The following EPHA5 variants were observed in gnomAD, a reference collection of about 807,000 sequenced individuals.
EPHA5 encodes the protein EPH receptor A5.
EPHA5 carries 60 observed loss-of-function variants against 105.0 expected under a neutral mutation model. The observed-to-expected ratio is 0.57, with a 90% confidence interval of 0.46 to 0.71. The LOEUF is 0.71. Ranked by LOEUF, EPHA5 falls within the 30% of genes least tolerant of loss-of-function variation. The pLI, the probability that EPHA5 is intolerant of heterozygous loss-of-function variation, is 0.00. For missense variants in EPHA5, 1,218 were observed against 1,274.7 expected (o/e 0.96, Z 0.68); for synonymous variants, 513 against 449.1 (o/e 1.14, Z -1.80).
intron 1 of EPHA5, among the ~76,000 whole-genome samples, chr4:65,668,936 C>G (rs931609348): frequency 6.6e-6 from 1 of 151,944 alleles, no homozygotes; most frequent in African/African-American, 2.4e-5. Context: ...AAGAAGGGCA[C>G]CCAACTGTGT....
intron 3 of EPHA5, among the ~76,000 whole-genome samples, chr4:65,569,665 A>G (rs1197878138): frequency 6.6e-6 from 1 of 151,764 alleles, no homozygotes; most frequent in East Asian, 1.9e-4. Flanking sequence ...ACATGAAAGC[A>G]AAAACAAAAT....
chr4:65,560,226 T>A (rs66875662), intron 3 of EPHA5, among the ~76,000 whole-genome samples: 1 of 152,050 alleles, frequency 6.6e-6, no homozygotes, highest in Non-Finnish European at 1.5e-5. Context: ...TATATTCACA[T>A]AAGATTTTTC....
intron 16 of EPHA5, among the ~76,000 whole-genome samples, chr4:65,328,640 T>A (rs1720307763): frequency 2.0e-5 from 1 of 51,130 alleles, no homozygotes; most frequent in South Asian, 1.3e-3. Flanking sequence ...TGCAGTTGTA[T>A]GTTTGTCATT....
chr4:65,323,416 C>T lies in EPHA5; in HGVS notation c.*698G>A, dbSNP rs925170260. ...ACACAATTCCATCTTAAATCAGTTC[C>T]TGGGTATATTGCAAATTATACAGTA... On this transcript the variant is annotated 3_prime_UTR_variant, in exon 17 of 17. Transcript: ENST00000613740. 1 of 230,080 alleles carries T rather than the reference C, an allele frequency of 4.3e-6. No homozygotes were observed. The highest frequency in any genetic ancestry group is 8.6e-6 in the Non-Finnish European group (1 of 116,030). The allele number at this position is 230,080 out of a possible 1,614,324, so 14.3% of individuals were successfully genotyped here. A position where few individuals can be genotyped will look rare whatever the true frequency, so the allele number is the denominator to read the frequency against.
chr4:65,481,691 G>A (rs1730380234), intron 5 of EPHA5, among the ~76,000 whole-genome samples: 1 of 152,288 alleles, frequency 6.6e-6, no homozygotes, highest in East Asian at 1.9e-4. Flanking sequence ...AGACTTGCAA[G>A]ATTTTATAGC....
chr4:65,414,022 A>T (rs1400162906), intron 7 of EPHA5, among the ~76,000 whole-genome samples: 1 of 152,202 alleles, frequency 6.6e-6, no homozygotes. Context: ...AAAGTCTTTA[A>T]AAGCAAGTTT....
chr4:65,348,815 A>ATATATATTTT (rs71657404), intron 13 of EPHA5, among the ~76,000 whole-genome samples: 3 of 64,110 alleles, frequency 4.7e-5, no homozygotes, highest in Non-Finnish European at 8.1e-5. Flanking sequence ...ATATATATAT[A>ATATATATTTT]TTTTTTTTTT....
chr4:65,643,303 CAAGTATCAAGATGCTT>C (rs1211410378), intron 2 of EPHA5, 44 bp downstream of exon 2: 7 of 1,304,110 alleles, frequency 5.4e-6, no homozygotes, highest in Non-Finnish European at 7.8e-6. Context: ...TCCTGTGTTA[CAAGTATCAAGATGCTT>C]ACGCACATAG....
At chr4:65,668,597 C>T (rs1750165853) in intron 1 of EPHA5, among the ~76,000 whole-genome samples, 1 of 152,066 alleles carries the variant, frequency 6.6e-6, no homozygotes, top group Non-Finnish European at 1.5e-5. Context: ...GTCTCAGGTC[C>T]AAGAGGCAGG....
At chr4:65,407,565 A>C (rs1046883982) in intron 7 of EPHA5, among the ~76,000 whole-genome samples, 3 of 152,032 alleles carry the variant, frequency 2.0e-5, no homozygotes, top group African/African-American at 7.2e-5. Context: ...CGCAAACATT[A>C]ATATTCTATG....
intron 3 of EPHA5, among the ~76,000 whole-genome samples, chr4:65,514,495 T>G (rs1733915880): frequency 6.6e-6 from 1 of 152,086 alleles, no homozygotes; most frequent in South Asian, 2.1e-4. Flanking sequence ...GACCAACAAT[T>G]AGAATGAACC....
At position 65,504,924 on chromosome 4, in the gene EPHA5, C is replaced by T. The variant is rs564381603; in HGVS notation, c.911-9381G>A. Among the ~76,000 whole-genome samples the T allele has an allele frequency of 2.1e-4, 32 of 152,028 alleles. 1 individual carries two copies. Among genetic ancestry groups the T allele is most frequent in the African/African-American group, 7.0e-4 (29 of 41,534 alleles). On this transcript the variant is annotated intron_variant, in intron 3 of 16. Transcript: ENST00000613740. ...CACTAAGTTCTTTTAGATAAATTTA[C>T]GTTTTTATTTTACTTAAGATGCTAA...
chr4:65,651,581 T>C (rs1443610019), intron 1 of EPHA5, among the ~76,000 whole-genome samples: 4 of 152,240 alleles, frequency 2.6e-5, no homozygotes, highest in Non-Finnish European at 5.9e-5. Flanking sequence ...TTATTTTTCC[T>C]TTAGCTTAAT....
At chr4:65,441,663 A>G (rs1726026438) in intron 5 of EPHA5, among the ~76,000 whole-genome samples, 1 of 152,138 alleles carries the variant, frequency 6.6e-6, no homozygotes, top group Non-Finnish European at 1.5e-5. Context: ...AACTACAGAT[A>G]TTTCTGCATT....
chr4:65,651,808 T>C (rs1748635958), intron 1 of EPHA5, among the ~76,000 whole-genome samples: 2 of 152,242 alleles, frequency 1.3e-5, no homozygotes, highest in Middle Eastern at 3.4e-3. Context: ...TTTTGAATTG[T>C]TAATAGCCTA....
intron 5 of EPHA5, among the ~76,000 whole-genome samples, chr4:65,448,640 T>A (rs1726789563): frequency 6.6e-6 from 1 of 152,036 alleles, no homozygotes; most frequent in South Asian, 2.1e-4. Flanking sequence ...AGAGCCAGAC[T>A]CCATCTCGAA....
At chr4:65,419,256 A>G (rs955501716) in intron 6 of EPHA5, among the ~76,000 whole-genome samples, 1 of 149,466 alleles carries the variant, frequency 6.7e-6, no homozygotes, top group Non-Finnish European at 1.5e-5. Context: ...CATTAATAGG[A>G]CATTAGCATT....
chr4:65,670,113 G>A lies in EPHA5; in HGVS notation c.-371C>T, dbSNP rs1378729957. On this transcript the variant is annotated 5_prime_UTR_variant, in exon 1 of 17. Coordinates refer to ENST00000613740, the MANE Select transcript of EPHA5 (RefSeq NM_001281766.3). ...AGGGGAAAGGTGAAGGTTCTTTGCA[G>A]CCTTCAGTGTTGAAATGGACGAAGG... 1 of 281,864 alleles carries A rather than the reference G, an allele frequency of 3.5e-6. No homozygotes were observed. The highest frequency in any genetic ancestry group is 6.6e-6 in the Non-Finnish European group (1 of 151,950). The allele number at this position is 281,864 out of a possible 1,614,324, so 17.5% of individuals were successfully genotyped here.
In EPHA5 at chr4:65,497,176, A is replaced by G. The variant is rs143399811; in HGVS notation, c.911-1633T>C. On this transcript the variant is annotated intron_variant, in intron 3 of 16. Coordinates refer to ENST00000613740, the MANE Select transcript of EPHA5 (RefSeq NM_001281766.3). ...CTACATATACTGAAGTATGACGCATATTTGCTGAAGCTCAAAGGTGAACTT... is the reference window on the plus strand; with the variant it reads ...CTACATATACTGAAGTATGACGCATGTTTGCTGAAGCTCAAAGGTGAACTT... Among the ~76,000 whole-genome samples the G allele has an allele frequency of 4.8e-3, 726 of 152,238 alleles. 4 individuals are homozygous for G. The highest frequency in any genetic ancestry group is 7.3e-3 in the Non-Finnish European group (498 of 67,986).
Sources: gnomAD v4.1 joint callset for allele counts (sites outside exome capture counted in the v4.1 genomes callset) on GRCh38, gnomAD v4.1.1 for gene constraint, MANE v1.5 for transcripts, NCBI Gene and HGNC (gene_info 2026-07-23, HGNC 2026-07-21) for gene names.